PGGT1B: variants seen among roughly 807,000 people sequenced by gnomAD.
PGGT1B encodes protein geranylgeranyltransferase type I subunit beta, also known as geranylgeranyl transferase type-1 subunit beta.
PGGT1B carries 30 observed loss-of-function variants against 46.1 expected under a neutral mutation model. The ratio of observed to expected loss-of-function variants is 0.65; its 90% CI spans 0.49 to 0.88. The LOEUF (loss-of-function observed/expected upper bound fraction) is 0.88. PGGT1B is among the 40% of genes least tolerant of loss of function. PGGT1B has a pLI of 0.00. For missense variants in PGGT1B, 376 were observed against 455.9 expected, an observed-to-expected ratio of 0.82 and a Z score of 1.60; for synonymous variants, 170 against 160.0, an observed-to-expected ratio of 1.06 and a Z score of -0.47.
intron 7 of PGGT1B, among the ~76,000 whole-genome samples, chr5:115,217,971 T>C (rs1281375725): frequency 6.6e-6 from 1 of 151,970 alleles, no homozygotes; most frequent in Non-Finnish European, 1.5e-5. Flanking sequence ...GGTTTTTAAA[T>C]TTTAGAATCA....
In PGGT1B at chr5:115,206,755, GAT is replaced by G. The variant is rs1465311425; in HGVS notation, c.*5645_*5646del. ...CATGTTTCTTTATGCTAAATCTATA[GAT>G]AGAGAGTATCTGGGCCAAAAAGTGT... On this transcript the variant is annotated 3_prime_UTR_variant, in exon 9 of 9. Transcript: ENST00000419445. 6.8e-6 allele frequency: 1 copy of G among 147,924 alleles called. No homozygotes were observed. Among genetic ancestry groups the G allele is most frequent in the Non-Finnish European group, 1.5e-5 (1 of 67,900 alleles). 9.2% of individuals were successfully genotyped at this position (147,924 alleles called of 1,614,324 possible).
chr5:115,237,929 T>C lies in PGGT1B; in HGVS notation c.408A>G (p.Gly136=), dbSNP rs112952055. ...CTTTATTTACTCGGCTTAAGTCGTC[T>C]CCAAGAATAACTAAGCATGAGAGGC... ...YTGLSCLVIL[G]DDLSRVNKEA... The change falls in exon 4 of 9, where the codon GGA becomes GGG. Residue 136 remains glycine (G), a synonymous_variant. Coordinates refer to ENST00000419445, the MANE Select transcript of PGGT1B (RefSeq NM_005023.4). 2.5e-6 allele frequency: 4 copies of C among 1,612,542 alleles called. No homozygotes were observed. The highest frequency in any genetic ancestry group is 2.7e-5 in the African/African-American group (2 of 75,006).
At chr5:115,243,199 A>C (rs1226526209) in intron 2 of PGGT1B, among the ~76,000 whole-genome samples, 1 of 152,214 alleles carries the variant, frequency 6.6e-6, no homozygotes, top group Non-Finnish European at 1.5e-5. Flanking sequence ...AAACACTCAT[A>C]ACCTTTTGAC....
chr5:115,259,296 A>G (rs905491569), intron 1 of PGGT1B, among the ~76,000 whole-genome samples: 44 of 152,208 alleles, frequency 2.9e-4, no homozygotes, highest in African/African-American at 1.0e-3. Context: ...AGGTCTGGGA[A>G]GGGGCCCAGG....
At chr5:115,253,635 T>C (rs1219029465) in intron 1 of PGGT1B, among the ~76,000 whole-genome samples, 1 of 152,042 alleles carries the variant, frequency 6.6e-6, no homozygotes, top group East Asian at 1.9e-4. Flanking sequence ...TTTCACTAAT[T>C]TGTCAGGATC....
At chr5:115,245,734 T>C (rs981066166) in intron 2 of PGGT1B, among the ~76,000 whole-genome samples, 1 of 152,214 alleles carries the variant, frequency 6.6e-6, no homozygotes, top group African/African-American at 2.4e-5. Flanking sequence ...TCTTTTTTTT[T>C]CCAGAAAGAC....
intron 5 of PGGT1B, 28 bp downstream of exon 5, chr5:115,236,362 A>C (rs750812260): frequency 1.3e-6 from 2 of 1,574,406 alleles, no homozygotes; most frequent in Non-Finnish European, 1.7e-6. Context: ...AAACAACCTA[A>C]ATAGTCAATT....
intron 6 of PGGT1B, among the ~76,000 whole-genome samples, chr5:115,230,556 G>C (rs1187739792): frequency 6.6e-6 from 1 of 152,108 alleles, no homozygotes; most frequent in Non-Finnish European, 1.5e-5. Flanking sequence ...TTACAACTAT[G>C]ACTAATAATA....
intron 6 of PGGT1B, among the ~76,000 whole-genome samples, chr5:115,224,500 G>T (rs1756698675): frequency 6.6e-6 from 1 of 152,120 alleles, no homozygotes; most frequent in African/African-American, 2.4e-5. Context: ...TTTACCAACA[G>T]GTAAGCCTGT....
At chr5:115,256,938 C>T (rs1748340289) in intron 1 of PGGT1B, among the ~76,000 whole-genome samples, 1 of 152,162 alleles carries the variant, frequency 6.6e-6, no homozygotes. Flanking sequence ...CAGAGAATAT[C>T]TGTTTATTCT....
rs193292068 is a variant in PGGT1B at position 115,212,124 on chromosome 5, T to C, written c.*278A>G. The C allele has an allele frequency of 6.9e-4, 244 of 354,562 alleles. No homozygotes were observed. Among genetic ancestry groups the C allele is most frequent in the African/African-American group, 4.9e-3 (228 of 46,698 alleles). 22.0% of individuals were successfully genotyped at this position (354,562 alleles called of 1,614,324 possible). ...CTGAAGAGTTTTTAAAAAGATAACCTACACACATACAGTTAATTTGCCTCA... is the reference window on the plus strand; with the variant it reads ...CTGAAGAGTTTTTAAAAAGATAACCCACACACATACAGTTAATTTGCCTCA... On this transcript the variant is annotated 3_prime_UTR_variant, in exon 9 of 9. Transcript: ENST00000419445.
chr5:115,233,543 AG>A (rs1337212309), intron 5 of PGGT1B, among the ~76,000 whole-genome samples: 5 of 131,098 alleles, frequency 3.8e-5, no homozygotes, highest in Admixed American at 7.5e-5. Flanking sequence ...AAAAAAAAGA[AG>A]GAAAAAAAAA....
At chr5:115,222,611 G>A (rs528012191) in intron 6 of PGGT1B, among the ~76,000 whole-genome samples, 17 of 152,170 alleles carry the variant, frequency 1.1e-4, no homozygotes, top group African/African-American at 3.9e-4. Flanking sequence ...TTGACCCAGC[G>A]ATCCCATTAC....
chr5:115,207,486 C>T lies in PGGT1B; in HGVS notation c.*4916G>A, dbSNP rs1424254849. ...CAAAACTAATTGATGGTAATTTTGA[C>T]AGCACTTACCTTTGGGAAGAGAGGT... is the stretch of plus-strand genomic sequence containing the variant. On this transcript the variant is annotated 3_prime_UTR_variant, in exon 9 of 9. Transcript: ENST00000419445. 5 of 151,800 alleles carry T rather than the reference C, an allele frequency of 3.3e-5. No homozygotes were observed. The highest frequency in any genetic ancestry group is 1.2e-4 in the African/African-American group (5 of 41,374). 9.4% of individuals were successfully genotyped at this position (151,800 alleles called of 1,614,324 possible).
intron 6 of PGGT1B, 74 bp from the exon 7 acceptor site, chr5:115,222,082 G>A: frequency 2.9e-5 from 23 of 798,092 alleles, no homozygotes; most frequent in South Asian, 1.7e-4. Context: ...ATGTTCAAGG[G>A]GAAAAAGTGG....
intron 6 of PGGT1B, among the ~76,000 whole-genome samples, chr5:115,224,641 G>A (rs1038824088): frequency 6.6e-6 from 1 of 152,096 alleles, no homozygotes; most frequent in Non-Finnish European, 1.5e-5. Flanking sequence ...AGGCCAAAGT[G>A]AGAGAACTGC....
Position 115,212,581 on chromosome 5 carries a change from C to T in PGGT1B, c.955G>A (p.Ala319Thr), listed in dbSNP as rs1756268593. 2 of 1,598,806 alleles carry T rather than the reference C, an allele frequency of 1.3e-6. No individual in the cohort carries two copies. Among genetic ancestry groups the T allele is most frequent in the African/African-American group, 1.3e-5 (1 of 74,120 alleles). ...FAKWPDSHPD[A>T]LHAYFGICGL... ...CAGATCCCAAAGTATGCATGCAAAG[C>T]ATCTGAAAAGAAGGCATTTAAAACA... The change falls in exon 9 of 9, where the codon GCT (alanine) becomes ACT (threonine). Residue 319 changes from alanine (A) to threonine (T), a missense_variant and splice_region_variant. Physicochemically the swap from Ala to Thr is moderately conservative, Grantham distance 58 (BLOSUM62 0). Coordinates refer to ENST00000419445, the MANE Select transcript of PGGT1B (RefSeq NM_005023.4).
intron 6 of PGGT1B, among the ~76,000 whole-genome samples, chr5:115,223,843 T>C (rs2126997379): frequency 6.6e-6 from 1 of 152,320 alleles, no homozygotes; most frequent in South Asian, 2.1e-4. Flanking sequence ...AATTTGAAAA[T>C]ACTTATACTT....
At chr5:115,218,507 A>C (rs1756491910) in intron 7 of PGGT1B, among the ~76,000 whole-genome samples, 1 of 148,542 alleles carries the variant, frequency 6.7e-6, no homozygotes, top group Admixed American at 6.7e-5. Context: ...AAAAAAAAAA[A>C]AACCCAAACT....
Sources: allele counts gnomAD v4.1 joint callset (sites outside exome capture counted in the v4.1 genomes callset), GRCh38; gene constraint gnomAD v4.1.1; transcripts MANE v1.5; gene names NCBI Gene and HGNC (gene_info 2026-07-23, HGNC 2026-07-21).